The following ASB3 variants were observed in gnomAD, a reference collection of about 807,000 sequenced individuals.
ASB3 encodes ankyrin repeat and SOCS box protein 3.
In ASB3, 41 loss-of-function variants were observed where a neutral mutation model predicts 54.5. The observed-to-expected ratio is 0.75, with a 90% CI of 0.59 to 0.98. The LOEUF (loss-of-function observed/expected upper bound fraction) is 0.98. Ranked by LOEUF, ASB3 falls within the 50% of genes least tolerant of loss-of-function variation. The probability of loss-of-function intolerance (pLI) is 0.00; values close to 1 mark genes in which losing one functional copy is unlikely to be tolerated. For missense variants in ASB3, 733 were observed against 620.0 expected (o/e 1.18, Z -1.94); for synonymous variants, 266 against 221.2 (o/e 1.20, Z -1.80).
intron 7 of ASB3, among the ~76,000 whole-genome samples, chr2:53,700,920 T>C (rs1438610830): frequency 6.6e-6 from 1 of 152,220 alleles, no homozygotes; most frequent in East Asian, 1.9e-4. Flanking sequence ...ATTCTAGGAA[T>C]CTCTAAGATA....
intron 1 of ASB3, among the ~76,000 whole-genome samples, chr2:53,777,088 T>G (rs865886719): frequency 6.6e-6 from 1 of 152,206 alleles, no homozygotes. Context: ...GTACTGAGCC[T>G]CCTTCTCTTT....
intron 9 of ASB3, among the ~76,000 whole-genome samples, chr2:53,678,936 CT>C (rs1464727694): frequency 2.0e-5 from 3 of 152,188 alleles, no homozygotes; most frequent in Admixed American, 6.5e-5. Context: ...TGTCTTTAAA[CT>C]CCAACAGACA....
intron 7 of ASB3, among the ~76,000 whole-genome samples, chr2:53,711,577 C>T (rs947009274): frequency 1.3e-5 from 2 of 152,090 alleles, no homozygotes; most frequent in African/African-American, 4.8e-5. Flanking sequence ...AAGTTTGAGA[C>T]CACCCTGGCC....
At chr2:53,684,322 C>T (rs1310685735) in intron 9 of ASB3, among the ~76,000 whole-genome samples, 2 of 152,182 alleles carry the variant, frequency 1.3e-5, no homozygotes, top group Non-Finnish European at 1.5e-5. Context: ...AAGCTTCTGT[C>T]CTAACCACCT....
Position 53,771,390 on chromosome 2 carries a change from G to A in ASB3, c.-13-5805C>T, listed in dbSNP as rs376668668. Among the ~76,000 whole-genome samples the A allele has an allele frequency of 5.9e-5, 9 of 152,240 alleles. No homozygotes were observed. The East Asian group carries it at 1.5e-3, about 26-fold the overall frequency. ...TAGCTGGGTGTCTTGGCGGGCACCTGTAATCCCAACTACTCAGGAGGCTGA... is the reference window on the plus strand; with the variant it reads ...TAGCTGGGTGTCTTGGCGGGCACCTATAATCCCAACTACTCAGGAGGCTGA... On this transcript the variant is annotated intron_variant, in intron 1 of 9. Transcript: ENST00000263634.
chr2:53,732,171 C>T (rs759197807), intron 3 of ASB3, among the ~76,000 whole-genome samples: 95 of 150,424 alleles, frequency 6.3e-4, no homozygotes, highest in Non-Finnish European at 5.5e-4. Flanking sequence ...GTTGGCCAAG[C>T]TGGTCTCCAA....
chr2:53,758,836 T>G (rs1397169536), intron 2 of ASB3, among the ~76,000 whole-genome samples: 4 of 152,146 alleles, frequency 2.6e-5, no homozygotes, highest in African/African-American at 9.7e-5. Flanking sequence ...AGATGGGACA[T>G]GTTCCCCACA....
At chr2:53,713,530 CACTT>C (rs1170875085) in intron 7 of ASB3, among the ~76,000 whole-genome samples, 1 of 152,222 alleles carries the variant, frequency 6.6e-6, no homozygotes, top group African/African-American at 2.4e-5. Flanking sequence ...AGTAATTCTT[CACTT>C]AGTCTATTTC....
At chr2:53,681,071 T>C (rs2103664331) in intron 9 of ASB3, among the ~76,000 whole-genome samples, 1 of 152,372 alleles carries the variant, frequency 6.6e-6, no homozygotes, top group Middle Eastern at 3.4e-3. Flanking sequence ...CTCATTCTTT[T>C]TTATGGTTGA....
chr2:53,700,518 A>C lies in ASB3; in HGVS notation c.991T>G (p.Phe331Val), dbSNP rs957171593. 2 of 1,607,100 alleles carry C rather than the reference A, an allele frequency of 1.2e-6. No individual in the cohort carries two copies. The highest frequency in any genetic ancestry group is 3.4e-5 in the Admixed American group (2 of 58,570). Residue 331 changes from phenylalanine (F) to valine (V), a missense_variant, in exon 8 of 10, where the codon TTT (phenylalanine) becomes GTT (valine). Coordinates refer to ENST00000263634, the MANE Select transcript of ASB3 (RefSeq NM_016115.5). ...CMAFQKDCEF[F>V]GIVNILLKYG... ...TTCAAAAGAATGTTCACAATTCCAA[A>C]GAACTCACAGCTCCACCATAAAAAA...
intron 2 of ASB3, among the ~76,000 whole-genome samples, chr2:53,762,569 T>C (rs1486248545): frequency 6.6e-6 from 1 of 152,236 alleles, no homozygotes; most frequent in Non-Finnish European, 1.5e-5. Flanking sequence ...ATTAGCCAAA[T>C]AAAAGTATTT....
At chr2:53,679,205 G>T (rs1350959240) in intron 9 of ASB3, among the ~76,000 whole-genome samples, 1 of 152,126 alleles carries the variant, frequency 6.6e-6, no homozygotes, top group Non-Finnish European at 1.5e-5. Context: ...AGAAAACTAA[G>T]CAATGCTGGA....
intron 9 of ASB3, among the ~76,000 whole-genome samples, chr2:53,672,868 G>T (rs1423421968): frequency 1.3e-5 from 2 of 152,088 alleles, no homozygotes; most frequent in African/African-American, 4.8e-5. Flanking sequence ...TCTGTTCTGT[G>T]CTTATCTTTA....
intron 7 of ASB3, among the ~76,000 whole-genome samples, chr2:53,705,077 C>A (rs1385412823): frequency 6.6e-6 from 1 of 152,062 alleles, no homozygotes; most frequent in Non-Finnish European, 1.5e-5. Flanking sequence ...TCTCTTTGAC[C>A]TTAAAGTTTG....
At chr2:53,688,508 G>A (rs775064119) in intron 9 of ASB3, among the ~76,000 whole-genome samples, 2 of 152,096 alleles carry the variant, frequency 1.3e-5, no homozygotes, top group South Asian at 2.1e-4. Context: ...AAAATGAAAC[G>A]GAACTCAGTT....
intron 5 of ASB3, 76 bp from the exon 6 acceptor site, chr2:53,716,819 C>T (rs1000883905): frequency 6.1e-6 from 9 of 1,472,532 alleles, no homozygotes; most frequent in South Asian, 4.4e-5. Flanking sequence ...AAAGGAACTA[C>T]CATAAAAGGG....
chr2:53,673,153 T>G (rs1264935641), intron 9 of ASB3, among the ~76,000 whole-genome samples: 1 of 152,208 alleles, frequency 6.6e-6, no homozygotes, highest in Non-Finnish European at 1.5e-5. Context: ...ACAAGACTGT[T>G]TAATCCAGTG....
chr2:53,762,278 A>C (rs934592524), intron 2 of ASB3, among the ~76,000 whole-genome samples: 11 of 152,178 alleles, frequency 7.2e-5, no homozygotes, highest in Admixed American at 2.0e-4. Flanking sequence ...AAAGGAATTA[A>C]TGATGGCCCA....
At position 53,733,934 on chromosome 2, in the gene ASB3, G is replaced by A. The variant is rs538696149; in HGVS notation, c.356-4364C>T. Among the ~76,000 whole-genome samples, 3 of 152,324 alleles carry A rather than the reference G, an allele frequency of 2.0e-5. No homozygotes were observed. In the East Asian group the frequency reaches 5.8e-4, roughly 29 times the overall value. On this transcript the variant is annotated intron_variant, in intron 3 of 9. Transcript: ENST00000263634. Reference sequence around the variant, plus strand: ...GATTAACTAAAAGTATTCCTTATGGGAAACAAAGGGATGGGCGGAAATAAA... The same window carrying A: ...GATTAACTAAAAGTATTCCTTATGGAAAACAAAGGGATGGGCGGAAATAAA...
Sources: allele counts gnomAD v4.1 joint callset (sites outside exome capture counted in the v4.1 genomes callset), GRCh38; gene constraint gnomAD v4.1.1; transcripts MANE v1.5; gene names NCBI Gene and HGNC (gene_info 2026-07-23, HGNC 2026-07-21).